The following GALNT17 variants were observed in gnomAD, a reference collection of about 807,000 sequenced individuals.
GALNT17 encodes polypeptide N-acetylgalactosaminyltransferase 17, also known as UDP-GalNAc:polypeptide N-acetylgalactosaminyltransferase-like 3.
Under a neutral mutation model 63.7 loss-of-function variants are expected in GALNT17, and 29 were observed. That is an observed-to-expected ratio of 0.46 (90% confidence interval 0.34 to 0.62). The LOEUF (loss-of-function observed/expected upper bound fraction) is 0.62, where lower values mean the gene tolerates loss of function less well. Ranked by LOEUF, GALNT17 falls within the 20% of genes least tolerant of loss-of-function variation. GALNT17 has a pLI of 0.01. For synonymous variants in GALNT17, 305 were observed against 318.3 expected, an observed-to-expected ratio of 0.96 and a Z score of 0.45; for missense variants, 603 against 799.6, an observed-to-expected ratio of 0.75 and a Z score of 2.97.
intron 6 of GALNT17, among the ~76,000 whole-genome samples, chr7:71,644,546 A>AAAAAAAC (rs1790648470): frequency 5.0e-5 from 5 of 100,202 alleles, no homozygotes; most frequent in African/African-American, 1.7e-4. Context: ...AAAAAAAAAA[A>AAAAAAAC]AAACAAAAGA....
intron 1 of GALNT17, among the ~76,000 whole-genome samples, chr7:71,316,797 C>T (rs1010081415): frequency 1.4e-4 from 21 of 152,220 alleles, no homozygotes; most frequent in Non-Finnish European, 2.5e-4. Flanking sequence ...CCCTGAAGCT[C>T]CTTAGAGATG....
In GALNT17 at chr7:71,680,974, A is replaced by T. The variant is rs113715713; in HGVS notation, c.1500+3668A>T. 5.5e-3 allele frequency among the ~76,000 whole-genome samples: 838 copies of T among 151,346 alleles called. 10 individuals are homozygous for T. Among genetic ancestry groups the T allele is most frequent in the African/African-American group, 0.019 (793 of 41,176 alleles). ...GAGTGCAATGGTGTGATCACAGCTC[A>T]CTGCAGCCTCAGCCTCCTGGGCTTA... On this transcript the variant is annotated intron_variant, in intron 9 of 10. Transcript: ENST00000333538.
At chr7:71,508,916 G>T (rs572406402) in intron 5 of GALNT17, among the ~76,000 whole-genome samples, 2 of 152,090 alleles carry the variant, frequency 1.3e-5, no homozygotes, top group Non-Finnish European at 2.9e-5. Context: ...GCGTGCGCTC[G>T]TGTGCATGTG....
chr7:71,419,094 A>AG (rs1404162491), intron 4 of GALNT17, among the ~76,000 whole-genome samples: 1 of 152,222 alleles, frequency 6.6e-6, no homozygotes, highest in Non-Finnish European at 1.5e-5. Context: ...AGAAAAAAAA[A>AG]GAAATATCAT....
chr7:71,474,740 A>G lies in GALNT17; in HGVS notation c.962+53635A>G, dbSNP rs143091764. ...TATCCCTACAGCAATGGGCTGAAAA[A>G]TGCCTTCCACCCAAGATACCCACAT... On this transcript the variant is annotated intron_variant, in intron 5 of 10. Transcript: ENST00000333538. 6.6e-5 allele frequency among the ~76,000 whole-genome samples: 10 copies of G among 152,210 alleles called. No homozygotes were observed. The East Asian group carries it at 1.7e-3, about 26-fold the overall frequency.
chr7:71,600,102 A>G (rs1219713225), intron 6 of GALNT17, among the ~76,000 whole-genome samples: 27 of 151,978 alleles, frequency 1.8e-4, no homozygotes, highest in Non-Finnish European at 2.9e-5. Context: ...CCCCCACCTC[A>G]AGGAGATAGA....
intron 1 of GALNT17, among the ~76,000 whole-genome samples, chr7:71,137,573 A>G (rs955465118): frequency 2.0e-5 from 3 of 152,170 alleles, no homozygotes; most frequent in Non-Finnish European, 4.4e-5. Context: ...CAGATAGGAA[A>G]TAACCTCAAG....
intron 9 of GALNT17, among the ~76,000 whole-genome samples, chr7:71,684,008 C>CAAAAA (rs5741642): frequency 8.2e-6 from 1 of 121,438 alleles, no homozygotes. Context: ...CACTCTGTCT[C>CAAAAA]AAAAAAAAAA....
chr7:71,167,626 T>C (rs921330444), intron 1 of GALNT17, among the ~76,000 whole-genome samples: 8 of 152,206 alleles, frequency 5.3e-5, no homozygotes, highest in African/African-American at 1.9e-4. Context: ...ATCATACTTT[T>C]GGTATCATAT....
At chr7:71,581,453 C>T (rs929149511) in intron 6 of GALNT17, among the ~76,000 whole-genome samples, 4 of 152,162 alleles carry the variant, frequency 2.6e-5, no homozygotes, top group African/African-American at 7.2e-5. Context: ...AGCCACTGCG[C>T]CCGGCCACGT....
chr7:71,594,355 T>G (rs1430310859), intron 6 of GALNT17, among the ~76,000 whole-genome samples: 1 of 152,100 alleles, frequency 6.6e-6, no homozygotes, highest in African/African-American at 2.4e-5. Flanking sequence ...AGTGGCACAA[T>G]CTCGGCTCAC....
rs369124996 is a variant in GALNT17 at position 71,488,889 on chromosome 7, C to CT, written c.962+67808dup. ...GAGCCACCGCGCCCAGCCAGGTTTC[C>CT]TTTTTTTTTTTTTTTTTTTTTTTTG... On this transcript the variant is annotated intron_variant, in intron 5 of 10. Transcript: ENST00000333538. Among the ~76,000 whole-genome samples, 265 of 54,732 alleles carry CT rather than the reference C, an allele frequency of 4.8e-3. 17 individuals are homozygous for CT. Among genetic ancestry groups the CT allele is most frequent in the African/African-American group, 0.013 (179 of 13,460 alleles). 35.9% of individuals were successfully genotyped at this position (54,732 alleles called of 152,430 possible). A position where few individuals can be genotyped will look rare whatever the true frequency, so the allele number is the denominator to read the frequency against.
chr7:71,395,721 A>G (rs963455894), intron 3 of GALNT17, among the ~76,000 whole-genome samples: 4 of 152,210 alleles, frequency 2.6e-5, no homozygotes, highest in African/African-American at 9.7e-5. Flanking sequence ...CATGATCACC[A>G]TTCATATATG....
At chr7:71,401,396 C>T (rs766546608) in intron 3 of GALNT17, among the ~76,000 whole-genome samples, 19 of 152,070 alleles carry the variant, frequency 1.2e-4, no homozygotes, top group Non-Finnish European at 2.4e-4. Context: ...CATGCCTGGC[C>T]CTCAATACTC....
chr7:71,496,355 G>C (rs1788093699), intron 5 of GALNT17, among the ~76,000 whole-genome samples: 1 of 152,096 alleles, frequency 6.6e-6, no homozygotes, highest in Non-Finnish European at 1.5e-5. Context: ...TTACTCTGGT[G>C]GGGGTGGGGA....
At chr7:71,316,739 C>T (rs1428219457) in intron 1 of GALNT17, among the ~76,000 whole-genome samples, 3 of 152,034 alleles carry the variant, frequency 2.0e-5, no homozygotes, top group Admixed American at 1.3e-4. Flanking sequence ...GGAGAGTGAC[C>T]CTGATACCAG....
chr7:71,409,321 C>T (rs990374526), intron 3 of GALNT17, among the ~76,000 whole-genome samples: 7 of 152,066 alleles, frequency 4.6e-5, no homozygotes, highest in Non-Finnish European at 1.0e-4. Context: ...CCAGAGCCAC[C>T]CAATATGCAC....
At chr7:71,693,305 C>CATAT (rs1375479092) in intron 9 of GALNT17, among the ~76,000 whole-genome samples, 2,117 of 125,938 alleles carry the variant, frequency 0.017, 147 homozygotes, top group East Asian at 0.079. Context: ...CACACACACA[C>CATAT]ACACATATAT....
chr7:71,383,917 C>A (rs1037698946), intron 2 of GALNT17, among the ~76,000 whole-genome samples: 1 of 152,078 alleles, frequency 6.6e-6, no homozygotes, highest in Admixed American at 6.6e-5. Context: ...TATGAACATG[C>A]GGGTACAAGT....
Sources: gnomAD v4.1 joint callset for allele counts (sites outside exome capture counted in the v4.1 genomes callset) on GRCh38, gnomAD v4.1.1 for gene constraint, MANE v1.5 for transcripts, NCBI Gene and HGNC (gene_info 2026-07-23, HGNC 2026-07-21) for gene names.